Variants in ZNF106 observed in about 807,000 individuals in gnomAD.
ZNF106 encodes SH3-domain binding protein 3.
In ZNF106, 67 loss-of-function variants were observed where a neutral mutation model predicts 195.1. That is an observed-to-expected ratio of 0.34 (90% confidence interval 0.28 to 0.42). ZNF106 has a LOEUF of 0.42. Among genes scored for constraint, ZNF106 ranks in the 10% least tolerant of loss-of-function variants. The pLI is 1.00. For missense variants in ZNF106, 2,118 were observed against 2,304.5 expected, an observed-to-expected ratio of 0.92 and a Z score of 1.66; for synonymous variants, 784 against 818.6, an observed-to-expected ratio of 0.96 and a Z score of 0.72.
chr15:42,439,877 G>T, intron 10 of ZNF106, 64 bp from the exon 11 acceptor site: 1 of 1,430,958 alleles, frequency 7.0e-7, no homozygotes, highest in South Asian at 1.5e-5. Context: ...ATCACTGACT[G>T]AAACTCTACC....
In ZNF106 at chr15:42,438,645, T is replaced by C; in HGVS notation, c.4567A>G (p.Ile1523Val). 1 of 1,613,918 alleles carries C rather than the reference T, an allele frequency of 6.2e-7. No individual in the cohort carries two copies. The highest frequency in any genetic ancestry group is 8.5e-7 in the Non-Finnish European group (1 of 1,179,864). ...PVSVAETQTV[I>V]SSIKGSKNSS... ...TTCTTTGATCCTTTTATGGAGGAGA[T>C]CACAGTCTGAGTTTCTGCCACACTA... The change falls in exon 12 of 22, where the codon ATC (isoleucine) becomes GTC (valine). Residue 1523 changes from isoleucine to valine, a missense_variant. Coordinates refer to ENST00000564754, the MANE Select transcript of ZNF106 (RefSeq NM_001366845.3).
chr15:42,479,798 C>T lies in ZNF106; in HGVS notation c.-32-7477G>A, dbSNP rs1323500829. On this transcript the variant is annotated intron_variant, in intron 1 of 21. Coordinates refer to ENST00000564754, the MANE Select transcript of ZNF106 (RefSeq NM_001366845.3). The stretch of plus-strand genomic sequence containing the variant: ...TAGAGGTTGCAGTGAGCTGAGATAG[C>T]GCCACTTCATTCCAGCCTCAGCAAA... Among the ~76,000 whole-genome samples, 9 of 152,042 alleles carry T rather than the reference C, an allele frequency of 5.9e-5. No homozygotes were observed. The South Asian group carries it at 6.2e-4, about 11-fold the overall frequency.
In ZNF106 at chr15:42,439,178, C is replaced by G; in HGVS notation, c.4399G>C (p.Gly1467Arg). The change falls in exon 11 of 22, where the codon GGA becomes CGA. Residue 1467 changes from glycine to arginine, a missense_variant. Physicochemically the swap from Gly to Arg is moderately radical, Grantham distance 125. Coordinates refer to ENST00000564754, the MANE Select transcript of ZNF106 (RefSeq NM_001366845.3). ...EVVAIDSSES[G>R]EEKPDSPSKK... Reference sequence around the variant, plus strand: ...GATGGGCTGTCTGGTTTCTCTTCTCCTGATTCTGAAGAATCAATGGCTACT... The same window carrying G: ...GATGGGCTGTCTGGTTTCTCTTCTCGTGATTCTGAAGAATCAATGGCTACT... The G allele has an allele frequency of 6.2e-7, 1 of 1,614,144 alleles. No homozygotes were observed. The highest frequency in any genetic ancestry group is 8.5e-7 in the Non-Finnish European group (1 of 1,180,040).
At chr15:42,442,439 A>G in intron 9 of ZNF106, 25 bp from the exon 10 acceptor site, 1 of 1,559,224 alleles carries the variant, frequency 6.4e-7, no homozygotes, top group Middle Eastern at 1.7e-4. Flanking sequence ...ATACATACAT[A>G]GAAATGCAAA....
intron 9 of ZNF106, 102 bp from the exon 10 acceptor site, chr15:42,442,516 A>G: frequency 1.1e-6 from 1 of 945,074 alleles, no homozygotes; most frequent in Non-Finnish European, 1.5e-6. Context: ...AAAGAATTAT[A>G]AATAAGTATA....
chr15:42,423,909 A>T, intron 17 of ZNF106, 89 bp downstream of exon 17: 2 of 1,260,310 alleles, frequency 1.6e-6, no homozygotes, highest in Non-Finnish European at 1.1e-6. Flanking sequence ...TAAAGGGCTT[A>T]ATTTAAATTG....
intron 1 of ZNF106, among the ~76,000 whole-genome samples, chr15:42,483,114 G>A (rs139398043): frequency 1.3e-5 from 2 of 152,280 alleles, no homozygotes; most frequent in South Asian, 2.1e-4. Flanking sequence ...CATGAAAATG[G>A]GAAATTACTC....
intron 1 of ZNF106, among the ~76,000 whole-genome samples, chr15:42,482,165 T>C (rs1041264776): frequency 3.3e-5 from 5 of 152,232 alleles, no homozygotes; most frequent in Non-Finnish European, 5.9e-5. Flanking sequence ...GTTATCTTAG[T>C]TTCACACTCA....
chr15:42,456,008 G>T (rs1268669543), intron 4 of ZNF106, among the ~76,000 whole-genome samples: 1 of 152,034 alleles, frequency 6.6e-6, no homozygotes, highest in Non-Finnish European at 1.5e-5. Context: ...ATAAATGTAG[G>T]TATGAAATTA....
intron 14 of ZNF106, among the ~76,000 whole-genome samples, chr15:42,432,842 G>A (rs1483072591): frequency 3.3e-5 from 5 of 152,034 alleles, no homozygotes; most frequent in East Asian, 3.9e-4. Flanking sequence ...TTATGATCAC[G>A]CCACTGCACC....
chr15:42,442,820 G>A (rs1481603108), intron 9 of ZNF106, among the ~76,000 whole-genome samples: 1 of 151,484 alleles, frequency 6.6e-6, no homozygotes, highest in Non-Finnish European at 1.5e-5. Flanking sequence ...GTCTCACTCT[G>A]TCACCCAGGC....
Position 42,449,770 on chromosome 15 carries a change from C to T in ZNF106, c.2501+1G>A. 1 of 1,609,910 alleles carries T rather than the reference C, an allele frequency of 6.2e-7. No homozygotes were observed. The stretch of plus-strand genomic sequence containing the variant: ...AAAAGACACCGAAAAGCAGCACACA[C>T]CTGGGTAAGCCTTTGCCCAGCTCTT... On this transcript the variant is annotated splice_donor_variant, in intron 5 of 21. Coordinates refer to ENST00000564754, the MANE Select transcript of ZNF106 (RefSeq NM_001366845.3). LOFTEE classifies it high-confidence loss of function.
Position 42,439,342 on chromosome 15 carries a change from T to G in ZNF106, c.4235A>C (p.Lys1412Thr). The change falls in exon 11 of 22, where the codon AAG (lysine) becomes ACG (threonine). Residue 1412 changes from lysine to threonine, a missense_variant. Coordinates refer to ENST00000564754, the MANE Select transcript of ZNF106 (RefSeq NM_001366845.3). ...TGTTACTTTCCCCCCTTTAATTAAC[T>G]TTCCAGCTTTTACTTTCCTTACAGG... ...VKPVRKVKAG[K>T]LIKGGKVTTS... is the part of the protein sequence containing the mutation. 1 of 1,614,128 alleles carries G rather than the reference T, an allele frequency of 6.2e-7. No homozygotes were observed. Among genetic ancestry groups the G allele is most frequent in the Middle Eastern group, 1.6e-4 (1 of 6,062 alleles).
intron 17 of ZNF106, among the ~76,000 whole-genome samples, chr15:42,423,360 A>C (rs1359927002): frequency 1.3e-5 from 2 of 149,404 alleles, no homozygotes; most frequent in African/African-American, 4.9e-5. Flanking sequence ...ACAAAGTGAG[A>C]CCCCTATCTC....
At chr15:42,476,607 C>T (rs2141435138) in intron 1 of ZNF106, among the ~76,000 whole-genome samples, 1 of 152,208 alleles carries the variant, frequency 6.6e-6, no homozygotes, top group East Asian at 1.9e-4. Flanking sequence ...AGCTTCATCT[C>T]ATTGTTAACA....
chr15:42,481,108 C>A (rs1347331435), intron 1 of ZNF106, among the ~76,000 whole-genome samples: 1 of 151,962 alleles, frequency 6.6e-6, no homozygotes, highest in East Asian at 1.9e-4. Context: ...AAGAAATGAA[C>A]CCCCAAGATG....
intron 15 of ZNF106, among the ~76,000 whole-genome samples, chr15:42,426,760 G>C (rs566403252): frequency 6.6e-6 from 1 of 151,978 alleles, no homozygotes; most frequent in African/African-American, 2.4e-5. Context: ...CAATTATCAC[G>C]TTTTAGCCTT....
intron 1 of ZNF106, among the ~76,000 whole-genome samples, chr15:42,485,440 C>T (rs919918683): frequency 7.2e-5 from 11 of 152,202 alleles, no homozygotes; most frequent in Non-Finnish European, 1.5e-5. Flanking sequence ...CCAGCTGAGG[C>T]CACTGTCCAT....
chr15:42,442,375 C>T lies in ZNF106; in HGVS notation c.3461G>A (p.Cys1154Tyr). Residue 1154 changes from cysteine to tyrosine, a missense_variant, in exon 10 of 22, where the codon TGT becomes TAT. Physicochemically the swap from Cys to Tyr is radical, Grantham distance 194. Coordinates refer to ENST00000564754, the MANE Select transcript of ZNF106 (RefSeq NM_001366845.3). ...GTTCCTTCGTTCTCGTGTGAGGCTA[C>T]AGGGAACCTGGTCTGGGTGCTCAGA... ...EPSEHPDQVP[C>Y]SLTRERRNSR... 6.2e-7 allele frequency: 1 copy of T among 1,614,010 alleles called. No individual in the cohort carries two copies. The highest frequency in any genetic ancestry group is 8.5e-7 in the Non-Finnish European group (1 of 1,179,938).
Sources: gnomAD v4.1 joint callset for allele counts (sites outside exome capture counted in the v4.1 genomes callset) on GRCh38, gnomAD v4.1.1 for gene constraint, MANE v1.5 for transcripts, NCBI Gene and HGNC (gene_info 2026-07-23, HGNC 2026-07-21) for gene names.